Variants in LRRTM4 observed in about 807,000 individuals in gnomAD.
LRRTM4 encodes leucine rich repeat transmembrane neuronal 4, also known as leucine-rich repeat transmembrane neuronal protein 4.
LRRTM4 carries 25 observed loss-of-function variants against 47.6 expected under a neutral mutation model. The observed-to-expected ratio is 0.53, with a 90% CI of 0.38 to 0.73. The LOEUF is 0.73. Ranked by LOEUF, LRRTM4 falls within the 30% of genes least tolerant of loss-of-function variation. LRRTM4 has a pLI of 0.00. For missense variants in LRRTM4, 638 were observed against 713.4 expected (o/e 0.89, Z 1.20); for synonymous variants, 311 against 269.5 (o/e 1.15, Z -1.51).
At chr2:76,775,338 AG>A (rs1328281298) in intron 3 of LRRTM4, among the ~76,000 whole-genome samples, 1 of 152,178 alleles carries the variant, frequency 6.6e-6, no homozygotes, top group African/African-American at 2.4e-5. Flanking sequence ...TGAGTCTGAA[AG>A]GTCCTTATGA....
intron 3 of LRRTM4, among the ~76,000 whole-genome samples, chr2:77,482,895 G>C (rs2104022375): frequency 6.6e-6 from 1 of 152,002 alleles, no homozygotes; most frequent in African/African-American, 2.4e-5. Context: ...GGCTGAGGCA[G>C]GCAGATCACA....
chr2:77,513,717 C>T (rs535918843), intron 3 of LRRTM4, among the ~76,000 whole-genome samples: 13 of 152,134 alleles, frequency 8.5e-5, no homozygotes, highest in African/African-American at 3.1e-4. Context: ...AGCTGTGCGC[C>T]ACCATGACCT....
intron 3 of LRRTM4, among the ~76,000 whole-genome samples, chr2:76,966,403 T>G (rs572924017): frequency 4.0e-5 from 6 of 151,568 alleles, no homozygotes; most frequent in Non-Finnish European, 8.9e-5. Flanking sequence ...TGGTCTGTTG[T>G]GTGTTTTTGC....
rs149251203 is a variant in LRRTM4, at chr2:77,108,038, G to A, written c.1552-359122C>T. 6.5e-4 allele frequency among the ~76,000 whole-genome samples: 98 copies of A among 151,930 alleles called. 1 individual carries two copies. The highest frequency in any genetic ancestry group is 2.3e-3 in the African/African-American group (94 of 41,456). On this transcript the variant is annotated intron_variant, in intron 3 of 3. Coordinates refer to ENST00000409884, the MANE Select transcript of LRRTM4 (RefSeq NM_001134745.3). ...CATTTCAAAATTCATTAAAAAAACT[G>A]AATTTATTGCATATTAAACTCTGTG...
At chr2:77,125,110 T>C (rs958506981) in intron 3 of LRRTM4, among the ~76,000 whole-genome samples, 1 of 152,182 alleles carries the variant, frequency 6.6e-6, no homozygotes, top group African/African-American at 2.4e-5. Context: ...TGATTTCCAG[T>C]GCCAACATGG....
intron 3 of LRRTM4, among the ~76,000 whole-genome samples, chr2:77,272,889 A>G (rs1472215677): frequency 6.6e-6 from 1 of 152,170 alleles, no homozygotes; most frequent in Non-Finnish European, 1.5e-5. Context: ...CCTTTATAGC[A>G]ATACAATGGA....
At chr2:77,060,595 A>C (rs1679755043) in intron 3 of LRRTM4, among the ~76,000 whole-genome samples, 1 of 152,184 alleles carries the variant, frequency 6.6e-6, no homozygotes, top group South Asian at 2.1e-4. Flanking sequence ...AATTATTTTT[A>C]ATTCATGATA....
At chr2:77,326,891 G>T (rs529836737) in intron 3 of LRRTM4, among the ~76,000 whole-genome samples, 170 of 152,210 alleles carry the variant, frequency 1.1e-3, no homozygotes, top group African/African-American at 4.1e-3. Flanking sequence ...ACCATCACTT[G>T]ACAAAATTTT....
chr2:76,806,596 A>T (rs917858708), intron 3 of LRRTM4, among the ~76,000 whole-genome samples: 5 of 134,044 alleles, frequency 3.7e-5, no homozygotes, highest in African/African-American at 1.5e-4. Context: ...CATTTTTTTT[A>T]AAAAGAAAAA....
chr2:76,779,990 G>T (rs573968214), intron 3 of LRRTM4, among the ~76,000 whole-genome samples: 11 of 152,210 alleles, frequency 7.2e-5, no homozygotes, highest in South Asian at 4.1e-4. Context: ...TTGCTTGTCT[G>T]TAAAGTATTT....
chr2:77,046,970 T>C (rs576402480), intron 3 of LRRTM4, among the ~76,000 whole-genome samples: 7 of 152,060 alleles, frequency 4.6e-5, no homozygotes, highest in Non-Finnish European at 8.8e-5. Context: ...CATGAGCATA[T>C]TCTGCTCCTC....
chr2:76,750,696 G>C (rs959229989), intron 3 of LRRTM4, among the ~76,000 whole-genome samples: 1 of 152,020 alleles, frequency 6.6e-6, no homozygotes, highest in Non-Finnish European at 1.5e-5. Context: ...GATGTCATTC[G>C]TCTGTTTACT....
At chr2:76,753,892 G>A (rs1397466801) in intron 3 of LRRTM4, among the ~76,000 whole-genome samples, 2 of 152,070 alleles carry the variant, frequency 1.3e-5, no homozygotes, top group African/African-American at 2.4e-5. Flanking sequence ...TTTTCTCAAA[G>A]GTATTAGCAT....
At chr2:77,140,519 A>G (rs1227264056) in intron 3 of LRRTM4, among the ~76,000 whole-genome samples, 3 of 152,010 alleles carry the variant, frequency 2.0e-5, no homozygotes, top group East Asian at 1.9e-4. Context: ...AACCATAAAA[A>G]CCCTAGAAGA....
intron 3 of LRRTM4, among the ~76,000 whole-genome samples, chr2:77,438,485 C>G (rs866986398): frequency 6.8e-6 from 1 of 147,336 alleles, no homozygotes; most frequent in African/African-American, 2.6e-5. Context: ...CGGCTCACTG[C>G]GCGCTCCGCC....
chr2:77,081,493 G>T (rs1462179006), intron 3 of LRRTM4, among the ~76,000 whole-genome samples: 1 of 151,976 alleles, frequency 6.6e-6, no homozygotes, highest in East Asian at 1.9e-4. Flanking sequence ...AAATAAATGT[G>T]TAAGAAATTA....
intron 3 of LRRTM4, among the ~76,000 whole-genome samples, chr2:77,220,483 G>T (rs545380677): frequency 3.3e-5 from 5 of 152,300 alleles, no homozygotes; most frequent in Admixed American, 1.3e-4. Flanking sequence ...TGGATAACTA[G>T]AATAACCAAT....
At chr2:77,518,005 G>A in intron 3 of LRRTM4, 3 of 1,075,970 alleles carry the variant, frequency 2.8e-6, no homozygotes, top group Admixed American at 5.2e-5. Context: ...AATGAAAAGA[G>A]TTTTGTTTGT....
chr2:77,036,059 A>C (rs1033277148), intron 3 of LRRTM4, among the ~76,000 whole-genome samples: 2 of 151,856 alleles, frequency 1.3e-5, no homozygotes, highest in African/African-American at 4.8e-5. Flanking sequence ...TACTACATAA[A>C]AGCTAAAGAA....
Sources: gnomAD v4.1 joint callset for allele counts (sites outside exome capture counted in the v4.1 genomes callset) on GRCh38, gnomAD v4.1.1 for gene constraint, MANE v1.5 for transcripts, NCBI Gene and HGNC (gene_info 2026-07-23, HGNC 2026-07-21) for gene names.